Variants in FRS3 observed in about 807,000 individuals in gnomAD.
FRS3 encodes the protein fibroblast growth factor receptor substrate 3.
Under a neutral mutation model 41.9 loss-of-function variants are expected in FRS3, and 17 were observed. The observed-to-expected ratio is 0.41, with a 90% CI of 0.28 to 0.61. The LOEUF (loss-of-function observed/expected upper bound fraction) is 0.61. Among genes scored for constraint, FRS3 ranks in the 20% least tolerant of loss-of-function variants. The probability of loss-of-function intolerance (pLI) is 0.36; values close to 1 mark genes in which losing one functional copy is unlikely to be tolerated. For missense variants in FRS3, 619 were observed against 672.1 expected (o/e 0.92, Z 0.87); for synonymous variants, 287 against 274.5 (o/e 1.05, Z -0.45).
chr6:41,777,812 C>G (rs1261990034), intron 2 of FRS3: 1 of 152,136 alleles, frequency 6.6e-6, no homozygotes, highest in Non-Finnish European at 1.5e-5. Context: ...GAGGACACCA[C>G]CCAAGCTTGA....
chr6:41,778,306 T>C (rs1252470364), intron 1 of FRS3, 130 bp from the exon 2 acceptor site: 2 of 151,992 alleles, frequency 1.3e-5, no homozygotes, highest in African/African-American at 4.8e-5. Flanking sequence ...AAAACACCAA[T>C]GAAGAAAGTA....
At chr6:41,773,637 G>A (rs542482145) in intron 4 of FRS3, among the ~76,000 whole-genome samples, 29 of 151,832 alleles carry the variant, frequency 1.9e-4, no homozygotes, top group South Asian at 1.3e-3. Context: ...TTGGGAGGCC[G>A]AGGAGGGTGG....
At position 41,776,104 on chromosome 6, in the gene FRS3, G is replaced by A. The variant is rs757459499; in HGVS notation, c.67-499C>T. On this transcript the variant is annotated intron_variant, in intron 3 of 6. Coordinates refer to ENST00000373018, the MANE Select transcript of FRS3 (RefSeq NM_006653.5). ...CTCTTCTGGTGGGCAGGAGAAACAT[G>A]TGCTTCAACATGCCCCAGAATGAGG... Among the ~76,000 whole-genome samples, 140 of 152,188 alleles carry A rather than the reference G, an allele frequency of 9.2e-4. 2 individuals carry two copies. Among genetic ancestry groups the A allele is most frequent in the Non-Finnish European group, 5.9e-4 (40 of 68,034 alleles).
chr6:41,778,088 C>G lies in FRS3; in HGVS notation c.-79G>C, dbSNP rs940811876. The G allele has an allele frequency of 6.5e-6, 1 of 152,792 alleles. No individual in the cohort carries two copies. The highest frequency in any genetic ancestry group is 1.5e-5 in the Non-Finnish European group (1 of 68,158). 9.5% of individuals were successfully genotyped at this position (152,792 alleles called of 1,614,324 possible). ...GGAGGGGCATGGGGAAGGGTTCCCA[C>G]TTTATTCCCCCCGTCCTTGGTGGGC... On this transcript the variant is annotated 5_prime_UTR_variant, in exon 2 of 7. Coordinates refer to ENST00000373018, the MANE Select transcript of FRS3 (RefSeq NM_006653.5).
At chr6:41,778,907 T>A (rs535113660) in intron 1 of FRS3, among the ~76,000 whole-genome samples, 1 of 152,308 alleles carries the variant, frequency 6.6e-6, no homozygotes, top group East Asian at 1.9e-4. Context: ...AAGCCAGGAC[T>A]CTGCAGACCC....
Position 41,771,152 on chromosome 6 carries a change from G to C in FRS3, c.946C>G (p.Arg316Gly), listed in dbSNP as rs754360826. Residue 316 changes from arginine (R) to glycine (G), a missense_variant, in exon 7 of 7, where the codon CGG (arginine) becomes GGG (glycine). By Grantham distance (125) the Arg-to-Gly change is moderately radical. Transcript: ENST00000373018. ...EPGWNGLAHR[R>G]AALLHYENLP... ...TTCTCATAGTGCAGCAGGGCGGCCC[G>C]GCGGTGGGCAAGGCCATTCCAGCCC... 1 of 1,557,116 alleles carries C rather than the reference G, an allele frequency of 6.4e-7. No individual in the cohort carries two copies. Among genetic ancestry groups the C allele is most frequent in the Non-Finnish European group, 8.7e-7 (1 of 1,148,580 alleles).
intron 1 of FRS3, among the ~76,000 whole-genome samples, chr6:41,779,214 G>GT (rs1772474370): frequency 6.6e-6 from 1 of 152,058 alleles, no homozygotes. Context: ...ATATCAGGAT[G>GT]TATCAGATAG....
In FRS3 at chr6:41,771,116, G is replaced by A. The variant is rs144597833; in HGVS notation, c.982C>T (p.Leu328=). 44 of 1,580,768 alleles carry A rather than the reference G, an allele frequency of 2.8e-5. No individual in the cohort carries two copies. The highest frequency in any genetic ancestry group is 3.5e-5 in the Non-Finnish European group (41 of 1,161,628). The stretch of plus-strand genomic sequence containing the variant: ...GCTTGGCTTTCCCACACAGGGGGCA[G>A]TGGGGGCAGGTTCTCATAGTGCAGC... ...ALLHYENLPP[L]PPVWESQAQQ... Residue 328 remains leucine (L), a synonymous_variant, in exon 7 of 7, where the codon CTG becomes TTG. Transcript: ENST00000373018.
At chr6:41,777,894 A>G (rs1581973050) in intron 2 of FRS3, 139 bp downstream of exon 2, 1 of 152,600 alleles carries the variant, frequency 6.6e-6, no homozygotes, top group South Asian at 2.1e-4. Flanking sequence ...ACTTGTCACA[A>G]GAAATAAGTC....
chr6:41,777,070 G>C (rs1772427892), intron 2 of FRS3, 60 bp from the exon 3 acceptor site: 10 of 1,205,452 alleles, frequency 8.3e-6, no homozygotes, highest in Non-Finnish European at 1.1e-5. Flanking sequence ...ACCCTGCTCT[G>C]GGGAACTTGG....
At chr6:41,772,745 CGT>C (rs70987534) in intron 5 of FRS3, 51 bp downstream of exon 5, 197,351 of 1,154,406 alleles carry the variant, frequency 0.17, 2,634 homozygotes, top group Middle Eastern at 0.19. Context: ...GCTTCCTGGG[CGT>C]GTGTGTGTGT....
In FRS3 at chr6:41,770,213, TA is replaced by T. The variant is rs1772248336; in HGVS notation, c.*405del. Reference sequence around the variant, plus strand: ...ATAATTATATTAATAATAAATATGTTAAATTACATTTAAAACAATAAATAGA... The same window carrying T: ...ATAATTATATTAATAATAAATATGTTAATTACATTTAAAACAATAAATAGA... On this transcript the variant is annotated 3_prime_UTR_variant, in exon 7 of 7. Transcript: ENST00000373018. 6.5e-6 allele frequency: 1 copy of T among 153,614 alleles called. No individual in the cohort carries two copies. Among genetic ancestry groups the T allele is most frequent in the Admixed American group, 6.5e-5 (1 of 15,344 alleles). The allele number at this position is 153,614 out of a possible 1,614,324, so 9.5% of individuals were successfully genotyped here.
Position 41,775,436 on chromosome 6 carries a change from C to T in FRS3, c.236G>A (p.Arg79Gln), listed in dbSNP as rs1581970791. 8.1e-6 allele frequency: 13 copies of T among 1,611,446 alleles called. No individual in the cohort carries two copies. The highest frequency in any genetic ancestry group is 1.3e-5 in the African/African-American group (1 of 75,026). Residue 79 changes from arginine (R) to glutamine (Q), a missense_variant, in exon 4 of 7, where the codon CGA becomes CAA. This residue lies in a region of FRS3 where 100 missense variants were observed against 138.1 expected (regional missense o/e 0.72). Coordinates refer to ENST00000373018, the MANE Select transcript of FRS3 (RefSeq NM_006653.5). Reference protein sequence around the residue: ...SNLFSFESGRRCQTGQGIFAF... With the variant: ...SNLFSFESGRQCQTGQGIFAF... Reference sequence around the variant, plus strand: ...GTACTCACCCTGGCCTGTCTGACATCGGCGGCCACTCTCAAAGGAGAAGAG... The same window carrying T: ...GTACTCACCCTGGCCTGTCTGACATTGGCGGCCACTCTCAAAGGAGAAGAG...
chr6:41,775,883 G>A (rs534538313), intron 3 of FRS3, among the ~76,000 whole-genome samples: 1 of 152,220 alleles, frequency 6.6e-6, no homozygotes, highest in East Asian at 1.9e-4. Context: ...CGGTTTGTTA[G>A]ATAACAAATG....
At chr6:41,779,696 C>A in intron 1 of FRS3, 120 bp downstream of exon 1, 2 of 151,866 alleles carry the variant, frequency 1.3e-5, no homozygotes, top group South Asian at 3.9e-4. Flanking sequence ...GGTGCTCCGC[C>A]GCCTGCCCGC....
chr6:41,771,584 G>T, intron 6 of FRS3, 51 bp from the exon 7 acceptor site: 1 of 1,398,460 alleles, frequency 7.2e-7, no homozygotes, highest in Non-Finnish European at 9.6e-7. Context: ...AGGGAGAAAA[G>T]AGAACAGAAG....
chr6:41,776,360 C>T (rs1298087292), intron 3 of FRS3: 1 of 152,748 alleles, frequency 6.5e-6, no homozygotes. Context: ...CTCCCGGGTT[C>T]AAGTGATTCT....
rs528174551 is a variant in FRS3, at chr6:41,771,231, G to A, written c.867C>T (p.Asn289=). 1.9e-5 allele frequency: 30 copies of A among 1,584,248 alleles called. No individual in the cohort carries two copies. Among genetic ancestry groups the A allele is most frequent in the East Asian group, 4.5e-5 (2 of 44,470 alleles). Residue 289 remains asparagine, a synonymous_variant, in exon 7 of 7, where the codon AAC becomes AAT. Coordinates refer to ENST00000373018, the MANE Select transcript of FRS3 (RefSeq NM_006653.5). ...CCCCTCGCCACAGCCCCCCGGTGACGTTCTCGTAGGTGCACTTGGGCTGGG... is the reference window on the plus strand; with the variant it reads ...CCCCTCGCCACAGCCCCCCGGTGACATTCTCGTAGGTGCACTTGGGCTGGG... ...CPAQPKCTYE[N]VTGGLWRGAG...
chr6:41,772,531 A>G (rs1221307744), intron 5 of FRS3, among the ~76,000 whole-genome samples: 1 of 152,232 alleles, frequency 6.6e-6, no homozygotes, highest in Non-Finnish European at 1.5e-5. Context: ...TGCCAATTCT[A>G]CGGAAACCCA....
Sources: allele counts gnomAD v4.1 joint callset (sites outside exome capture counted in the v4.1 genomes callset), GRCh38; gene constraint gnomAD v4.1.1; regional missense constraint gnomAD v4.1.1; transcripts MANE v1.5; gene names NCBI Gene and HGNC (gene_info 2026-07-23, HGNC 2026-07-21).